Variants in NOX4 observed in about 807,000 individuals in gnomAD.
NOX4 encodes NADPH oxidase 4.
NOX4 carries 69 observed loss-of-function variants against 87.6 expected under a neutral mutation model. The observed-to-expected ratio is 0.79, with a 90% CI of 0.65 to 0.96. NOX4 has a LOEUF of 0.96. Ranked by LOEUF, NOX4 falls within the 40% of genes least tolerant of loss-of-function variation. NOX4 has a pLI of 0.00. For synonymous variants in NOX4, 275 were observed against 238.2 expected (o/e 1.15, Z -1.42); for missense variants, 680 against 681.5 (o/e 1.00, Z 0.02).
At chr11:89,396,516 A>G (rs1941496377) in intron 11 of NOX4, among the ~76,000 whole-genome samples, 1 of 152,080 alleles carries the variant, frequency 6.6e-6, no homozygotes, top group Non-Finnish European at 1.5e-5. Context: ...TAAGAGACAC[A>G]GACTGGCAAA....
In NOX4 at chr11:89,365,629, C is replaced by T. The variant is rs1938904798; in HGVS notation, c.1135+7803G>A. Among the ~76,000 whole-genome samples, 4 of 151,194 alleles carry T rather than the reference C, an allele frequency of 2.6e-5. No individual in the cohort carries two copies. In the South Asian group the frequency reaches 8.3e-4, roughly 31 times the overall value. On this transcript the variant is annotated intron_variant, in intron 12 of 17. Transcript: ENST00000263317. ...TGTTGGCTTTCATCAAAAGAAACAC[C>T]TCAGACTGATCAAGACTCAGCTCCA...
intron 2 of NOX4, among the ~76,000 whole-genome samples, chr11:89,459,532 C>T (rs1475095019): frequency 6.6e-6 from 1 of 152,044 alleles, no homozygotes; most frequent in Non-Finnish European, 1.5e-5. Context: ...AACAGAGAGC[C>T]AAATCATGAG....
the NOX4 span, among the ~76,000 whole-genome samples, chr11:89,522,226 G>T: frequency 6.6e-6 from 1 of 152,174 alleles, no homozygotes; most frequent in Non-Finnish European, 1.5e-5. Context: ...ACATGCACTT[G>T]CAGGTTCACT....
intron 7 of NOX4, among the ~76,000 whole-genome samples, chr11:89,431,062 T>C (rs928833880): frequency 7.9e-5 from 12 of 151,984 alleles, no homozygotes; most frequent in East Asian, 1.9e-4. Flanking sequence ...ACATCTACAA[T>C]CATCTGATCT....
At chr11:89,438,595 TATA>T (rs1279023687) in intron 6 of NOX4, among the ~76,000 whole-genome samples, 4 of 67,778 alleles carry the variant, frequency 5.9e-5, no homozygotes, top group East Asian at 1.0e-3. Flanking sequence ...ATATACTATA[TATA>T]ATACTATATA....
intron 2 of NOX4, among the ~76,000 whole-genome samples, chr11:89,485,668 AC>A (rs1946562327): frequency 6.6e-6 from 1 of 152,198 alleles, no homozygotes; most frequent in African/African-American, 2.4e-5. Flanking sequence ...AGTTCAGGCA[AC>A]TACATTTTCC....
rs148995124 is a variant in NOX4, at chr11:89,436,434, C to A, written c.476-3578G>T. On this transcript the variant is annotated intron_variant, in intron 6 of 17. Transcript: ENST00000263317. The stretch of plus-strand genomic sequence containing the variant: ...AAAGTTGCTTGTCCAAGTGAAGTAC[C>A]TTGATTCTCCTGTGAATTTTTTTAG... Among the ~76,000 whole-genome samples, 29 of 152,274 alleles carry A rather than the reference C, an allele frequency of 1.9e-4. No individual in the cohort carries two copies. The East Asian group carries it at 5.0e-3, about 26-fold the overall frequency.
intron 2 of NOX4, among the ~76,000 whole-genome samples, chr11:89,486,606 ATATG>A (rs1362847522): frequency 8.3e-6 from 1 of 120,640 alleles, no homozygotes; most frequent in Non-Finnish European, 1.7e-5. Flanking sequence ...ATATACATAT[ATATG>A]TGTGTATATA....
chr11:89,574,571 A>T, the NOX4 span, among the ~76,000 whole-genome samples: 2 of 152,200 alleles, frequency 1.3e-5, no homozygotes, highest in Non-Finnish European at 2.9e-5. Context: ...CAAAATATTC[A>T]GTTTGCCATT....
At chr11:89,348,002 G>A (rs996013268) in intron 13 of NOX4, among the ~76,000 whole-genome samples, 2 of 152,186 alleles carry the variant, frequency 1.3e-5, no homozygotes, top group Non-Finnish European at 2.9e-5. Context: ...CAGGCCAGAT[G>A]CAGTGGCTCA....
At chr11:89,360,330 A>G (rs1938423475) in intron 12 of NOX4, among the ~76,000 whole-genome samples, 1 of 152,118 alleles carries the variant, frequency 6.6e-6, no homozygotes, top group Non-Finnish European at 1.5e-5. Context: ...GTTGCCAAGT[A>G]GATCTTAAGT....
intron 2 of NOX4, among the ~76,000 whole-genome samples, chr11:89,463,866 G>A (rs546362942): frequency 6.6e-6 from 1 of 151,982 alleles, no homozygotes; most frequent in East Asian, 1.9e-4. Flanking sequence ...TATCATTTGA[G>A]AGTGATAGGT....
At chr11:89,355,881 A>C (rs1360970506) in intron 12 of NOX4, among the ~76,000 whole-genome samples, 1 of 152,178 alleles carries the variant, frequency 6.6e-6, no homozygotes, top group African/African-American at 2.4e-5. Flanking sequence ...CACTCATAGA[A>C]CAACATAAAT....
At chr11:89,378,163 T>A (rs1939993501) in intron 11 of NOX4, among the ~76,000 whole-genome samples, 1 of 152,198 alleles carries the variant, frequency 6.6e-6, no homozygotes, top group African/African-American at 2.4e-5. Context: ...TCTGTCCTAT[T>A]GCCTATGGCC....
chr11:89,385,109 C>T (rs552596424), intron 11 of NOX4, among the ~76,000 whole-genome samples: 4 of 152,340 alleles, frequency 2.6e-5, no homozygotes, highest in African/African-American at 7.2e-5. Flanking sequence ...GGAGCCCTCA[C>T]TCTTGCAAAG....
upstream of NOX4, among the ~76,000 whole-genome samples, chr11:89,494,769 G>A (rs533303336): frequency 1.3e-5 from 2 of 152,306 alleles, no homozygotes; most frequent in South Asian, 4.1e-4. Context: ...CAGGTTAAAC[G>A]ATAGGAATTT....
At chr11:89,329,139 CA>C (rs1945344230) in intron 17 of NOX4, among the ~76,000 whole-genome samples, 1 of 151,526 alleles carries the variant, frequency 6.6e-6, no homozygotes, top group African/African-American at 2.4e-5. Flanking sequence ...TGATGATACA[CA>C]GGCTTCATAT....
the NOX4 span, among the ~76,000 whole-genome samples, chr11:89,538,786 T>C: frequency 6.6e-6 from 1 of 152,074 alleles, no homozygotes; most frequent in Non-Finnish European, 1.5e-5. Context: ...AGGGAGAGCT[T>C]ATCTCTGCTC....
chr11:89,417,642 T>C (rs1037339953), intron 8 of NOX4, among the ~76,000 whole-genome samples: 22 of 152,244 alleles, frequency 1.4e-4, no homozygotes, highest in African/African-American at 5.3e-4. Flanking sequence ...GATAAGAAAA[T>C]CTGGGTTTTT....
Sources: allele counts gnomAD v4.1 joint callset (sites outside exome capture counted in the v4.1 genomes callset), GRCh38; gene constraint gnomAD v4.1.1; transcripts MANE v1.5; gene names NCBI Gene and HGNC (gene_info 2026-07-23, HGNC 2026-07-21).